Variants in ROBO1 observed in about 807,000 individuals in gnomAD.
The protein encoded by ROBO1 is roundabout homolog 1.
ROBO1 carries 149 observed loss-of-function variants against 195.9 expected under a neutral mutation model. The observed-to-expected ratio is 0.76, with a 90% CI of 0.67 to 0.87. ROBO1 has a LOEUF of 0.87. Ranked by LOEUF, ROBO1 falls within the 40% of genes least tolerant of loss-of-function variation. ROBO1 has a pLI of 0.00. For missense variants in ROBO1, 1,933 were observed against 2,068.3 expected (o/e 0.93, Z 1.27); for synonymous variants, 816 against 733.2 (o/e 1.11, Z -1.82).
intron 1 of ROBO1, among the ~76,000 whole-genome samples, chr3:79,747,343 A>T (rs923374489): frequency 6.6e-6 from 1 of 152,116 alleles, no homozygotes; most frequent in African/African-American, 2.4e-5. Flanking sequence ...GTATGTATAC[A>T]TGTGTGTATA....
intron 2 of ROBO1, among the ~76,000 whole-genome samples, chr3:79,220,596 T>A (rs907496215): frequency 1.3e-5 from 2 of 151,374 alleles, no homozygotes; most frequent in Admixed American, 1.3e-4. Flanking sequence ...ATTGCAATGA[T>A]GTGTGTGTGT....
chr3:78,828,325 C>A (rs1430196846), intron 4 of ROBO1, among the ~76,000 whole-genome samples: 1 of 152,162 alleles, frequency 6.6e-6, no homozygotes, highest in African/African-American at 2.4e-5. Context: ...AATTTTCTAA[C>A]AAGCTCCAGA....
intron 28 of ROBO1, among the ~76,000 whole-genome samples, chr3:78,612,819 C>A (rs1223031902): frequency 3.9e-5 from 6 of 152,164 alleles, no homozygotes; most frequent in African/African-American, 1.4e-4. Context: ...TTGCAGTATA[C>A]ACTATCATAA....
chr3:79,123,658 C>G (rs188261871), intron 3 of ROBO1, among the ~76,000 whole-genome samples: 34 of 152,046 alleles, frequency 2.2e-4, no homozygotes, highest in African/African-American at 7.2e-4. Context: ...AAGACAGTTA[C>G]AGTCTCAGGA....
chr3:79,416,769 G>A (rs528606134), intron 2 of ROBO1, among the ~76,000 whole-genome samples: 9 of 152,178 alleles, frequency 5.9e-5, no homozygotes, highest in African/African-American at 1.9e-4. Flanking sequence ...TTCTTGAGGC[G>A]AGGCATCTCC....
At position 78,668,536 on chromosome 3, in the gene ROBO1, A is replaced by G; in HGVS notation, c.1578T>C (p.Ile526=). The G allele has an allele frequency of 6.2e-7, 1 of 1,613,896 alleles. No homozygotes were observed. Among genetic ancestry groups the G allele is most frequent in the South Asian group, 1.1e-5 (1 of 91,078 alleles). ...TTGCTTCACCACTGGGGGTTGATGC[A>G]ATGCAGGTGTACCGACCAGTATCAC... ...KLGDTGRYTC[I]ASTPSGEATW... The change falls in exon 12 of 31, where the codon ATT becomes ATC. Residue 526 remains isoleucine (I), a synonymous_variant. Transcript: ENST00000464233.
chr3:78,884,619 AAGAG>A (rs200727951), intron 4 of ROBO1, among the ~76,000 whole-genome samples: 5 of 128,826 alleles, frequency 3.9e-5, no homozygotes, highest in African/African-American at 1.5e-4. Flanking sequence ...GAGAGAAAGA[AAGAG>A]AGAAAGAAAG....
intron 4 of ROBO1, among the ~76,000 whole-genome samples, chr3:78,768,412 T>C (rs2083282918): frequency 6.6e-6 from 1 of 151,954 alleles, no homozygotes; most frequent in Admixed American, 6.6e-5. Context: ...TAAAAAAATA[T>C]ATGTTCCTGC....
intron 2 of ROBO1, among the ~76,000 whole-genome samples, chr3:79,206,781 G>T (rs968912829): frequency 5.9e-5 from 9 of 152,064 alleles, no homozygotes; most frequent in Non-Finnish European, 1.3e-4. Flanking sequence ...GAAAGAAAAG[G>T]CAGTCTTCCT....
intron 2 of ROBO1, among the ~76,000 whole-genome samples, chr3:79,176,658 AT>A (rs1311833212): frequency 6.6e-6 from 1 of 152,000 alleles, no homozygotes; most frequent in African/African-American, 2.4e-5. Flanking sequence ...AAATTTCACC[AT>A]TTTAGCCAGG....
At chr3:79,023,348 T>C (rs1367015007) in intron 3 of ROBO1, among the ~76,000 whole-genome samples, 3 of 152,310 alleles carry the variant, frequency 2.0e-5, no homozygotes, top group South Asian at 2.1e-4. Flanking sequence ...AGTTTGGATA[T>C]GTAAGAAAAG....
intron 2 of ROBO1, among the ~76,000 whole-genome samples, chr3:79,162,367 T>C (rs1207246926): frequency 6.6e-6 from 1 of 152,094 alleles, no homozygotes; most frequent in Non-Finnish European, 1.5e-5. Context: ...AGAATGAAAC[T>C]GAAAGCTAAA....
chr3:79,505,814 A>C (rs1255690679), intron 2 of ROBO1, among the ~76,000 whole-genome samples: 1 of 152,216 alleles, frequency 6.6e-6, no homozygotes, highest in Non-Finnish European at 1.5e-5. Flanking sequence ...CAGTGAAGTT[A>C]TTACAGTTGT....
At chr3:79,517,401 AT>A (rs1240187157) in intron 2 of ROBO1, among the ~76,000 whole-genome samples, 2 of 151,938 alleles carry the variant, frequency 1.3e-5, no homozygotes, top group East Asian at 3.9e-4. Context: ...AGGAGAACTT[AT>A]TTTTCCTTAT....
rs1346588765 is a variant in ROBO1 at position 78,681,878 on chromosome 3, G to C, written c.1342+3868C>G. Among the ~76,000 whole-genome samples the C allele has an allele frequency of 4.6e-5, 7 of 152,000 alleles. 1 individual carries two copies. The highest frequency in any genetic ancestry group is 3.3e-4 in the Admixed American group (5 of 15,252). ...GATCGCACCACTGCACTCCAGCCTCGGCGACTCAGTCTCAAAATAAAAAAG... is the reference window on the plus strand; with the variant it reads ...GATCGCACCACTGCACTCCAGCCTCCGCGACTCAGTCTCAAAATAAAAAAG... On this transcript the variant is annotated intron_variant, in intron 10 of 30. Transcript: ENST00000464233.
intron 2 of ROBO1, among the ~76,000 whole-genome samples, chr3:79,150,322 G>A (rs538615663): frequency 6.6e-6 from 1 of 151,576 alleles, no homozygotes; most frequent in African/African-American, 2.4e-5. Context: ...TGCCAGACCA[G>A]AAATCACAAG....
At chr3:78,967,587 T>C (rs1372928316) in intron 3 of ROBO1, among the ~76,000 whole-genome samples, 1 of 152,214 alleles carries the variant, frequency 6.6e-6, no homozygotes, top group African/African-American at 2.4e-5. Context: ...AGATGTATCT[T>C]GTTAAAAACC....
chr3:78,606,821 TTCTCTGGGA>T lies in ROBO1; in HGVS notation c.4647_4655del (p.Asp1549_Arg1551del). The T allele has an allele frequency of 6.2e-7, 1 of 1,613,942 alleles. No homozygotes were observed. The highest frequency in any genetic ancestry group is 8.5e-7 in the Non-Finnish European group (1 of 1,179,878). ...TCCCGTCATTTTGCTGTTCCTGTGC[TTCTCTGGGA>T]TCACCTGGATTTGTTCGCATGTCAA... On this transcript the variant is annotated inframe_deletion, in exon 29 of 31. Coordinates refer to ENST00000464233, the MANE Select transcript of ROBO1 (RefSeq NM_002941.4).
chr3:79,297,675 A>G (rs1246283589), intron 2 of ROBO1, among the ~76,000 whole-genome samples: 1 of 152,154 alleles, frequency 6.6e-6, no homozygotes, highest in Admixed American at 6.5e-5. Flanking sequence ...TAAACAAAAT[A>G]CCATTTCTCC....
Sources: allele counts gnomAD v4.1 joint callset (sites outside exome capture counted in the v4.1 genomes callset), GRCh38; gene constraint gnomAD v4.1.1; transcripts MANE v1.5; gene names NCBI Gene and HGNC (gene_info 2026-07-23, HGNC 2026-07-21).